Variants in IL22RA2 observed in about 807,000 individuals in gnomAD.
IL22RA2 encodes the protein interleukin-22 receptor subunit alpha-2.
Under a neutral mutation model 30.7 loss-of-function variants are expected in IL22RA2, and 39 were observed. That is an observed-to-expected ratio of 1.27 (90% CI 0.98 to 1.66). IL22RA2 has a LOEUF of 1.66. Ranked by LOEUF, IL22RA2 falls within the 40% of genes most tolerant of loss-of-function variation. The probability of loss-of-function intolerance (pLI) is 0.00; values close to 1 mark genes in which losing one functional copy is unlikely to be tolerated. For synonymous variants in IL22RA2, 103 were observed against 105.0 expected, an observed-to-expected ratio of 0.98 and a Z score of 0.11; for missense variants, 315 against 312.7, an observed-to-expected ratio of 1.01 and a Z score of -0.05.
At chr6:137,165,041 T>A (rs916710978) in intron 1 of IL22RA2, among the ~76,000 whole-genome samples, 1 of 152,056 alleles carries the variant, frequency 6.6e-6, no homozygotes, top group Non-Finnish European at 1.5e-5. Context: ...TGGAGAAAAA[T>A]GCATCTTCAA....
intron 5 of IL22RA2, among the ~76,000 whole-genome samples, 196 bp downstream of exon 5, chr6:137,154,745 G>A (rs1778362328): frequency 6.6e-6 from 1 of 152,134 alleles, no homozygotes; most frequent in Admixed American, 6.5e-5. Context: ...AATGACTAAA[G>A]CCTCTACATC....
At chr6:137,158,323 C>G in intron 3 of IL22RA2, 24 bp downstream of exon 3, 1 of 1,613,494 alleles carries the variant, frequency 6.2e-7, no homozygotes. Flanking sequence ...TCTCTATCAG[C>G]TGAAGGAGGC....
chr6:137,164,841 T>C lies in IL22RA2; in HGVS notation c.-65-3027A>G, dbSNP rs577564336. On this transcript the variant is annotated intron_variant, in intron 1 of 6. Transcript: ENST00000296980. Reference sequence around the variant, plus strand: ...ACAGCTCTTCTTTTATCAGCCCTTCTCTACTACTGATCTCTTAAATTGGAG... The same window carrying C: ...ACAGCTCTTCTTTTATCAGCCCTTCCCTACTACTGATCTCTTAAATTGGAG... 2.6e-5 allele frequency among the ~76,000 whole-genome samples: 4 copies of C among 152,346 alleles called. No homozygotes were observed. The South Asian group carries it at 8.3e-4, about 32-fold the overall frequency.
chr6:137,153,199 C>T (rs1562269393), intron 5 of IL22RA2, among the ~76,000 whole-genome samples: 2 of 152,046 alleles, frequency 1.3e-5, no homozygotes, highest in East Asian at 3.8e-4. Flanking sequence ...CAATACATTG[C>T]TTATGACAAA....
chr6:137,165,175 A>T (rs138169018), intron 1 of IL22RA2, among the ~76,000 whole-genome samples: 1 of 152,290 alleles, frequency 6.6e-6, no homozygotes, highest in African/African-American at 2.4e-5. Context: ...TCCTAAATGG[A>T]ATAAACGCTG....
rs776539146 is a variant in IL22RA2, at chr6:137,154,977, A to G, written c.436T>C (p.Trp146Arg). ...RAASAGSYSE[W>R]SMTPRFTPWW... ...GGAGTGAACCGCGGCGTCATGCTCC[A>G]TTCTGAGTAGCTCCCAGCCGAGGCC... Residue 146 changes from tryptophan (W) to arginine (R), a missense_variant, in exon 5 of 7, where the codon TGG (tryptophan) becomes CGG (arginine). Coordinates refer to ENST00000296980, the MANE Select transcript of IL22RA2 (RefSeq NM_052962.3). 5 of 1,614,120 alleles carry G rather than the reference A, an allele frequency of 3.1e-6. No homozygotes were observed. Among genetic ancestry groups the G allele is most frequent in the South Asian group, 1.1e-5 (1 of 91,084 alleles).
rs199542741 is a variant in IL22RA2, at chr6:137,158,390, C to G, written c.154G>C (p.Ala52Pro). 1.2e-6 allele frequency: 2 copies of G among 1,614,040 alleles called. No homozygotes were observed. Among genetic ancestry groups the G allele is most frequent in the Non-Finnish European group, 1.7e-6 (2 of 1,180,008 alleles). ...TAGACACTGCTGTTGCCAGTAAGTG[C>G]CCTCCCAGGCTGCCATTGCAAAATG... is the stretch of plus-strand genomic sequence containing the variant. ...HNILQWQPGR[A>P]LTGNSSVYFV... The change falls in exon 3 of 7, where the codon GCA becomes CCA. Residue 52 changes from alanine to proline, a missense_variant. Coordinates refer to ENST00000296980, the MANE Select transcript of IL22RA2 (RefSeq NM_052962.3).
At chr6:137,147,956 G>T in intron 5 of IL22RA2, 65 bp from the exon 6 acceptor site, 1 of 1,421,220 alleles carries the variant, frequency 7.0e-7, no homozygotes, top group Non-Finnish European at 9.8e-7. Flanking sequence ...GACGCATTAT[G>T]TATAATGACA....
intron 6 of IL22RA2, among the ~76,000 whole-genome samples, chr6:137,146,230 C>T (rs1778175489): frequency 6.6e-6 from 1 of 152,118 alleles, no homozygotes; most frequent in Non-Finnish European, 1.5e-5. Flanking sequence ...TGGAGTTTCA[C>T]CATGTTGACC....
chr6:137,164,191 T>G (rs1778582175), intron 1 of IL22RA2, among the ~76,000 whole-genome samples: 1 of 152,212 alleles, frequency 6.6e-6, no homozygotes, highest in South Asian at 2.1e-4. Context: ...TAAGCTAACT[T>G]CACAGAAACT....
chr6:137,161,951 A>C, intron 1 of IL22RA2, 137 bp from the exon 2 acceptor site: 1 of 495,724 alleles, frequency 2.0e-6, no homozygotes, highest in African/African-American at 1.9e-5. Flanking sequence ...TCACTTCAAA[A>C]AACATTTGCT....
intron 6 of IL22RA2, among the ~76,000 whole-genome samples, chr6:137,146,007 C>G (rs116683538): frequency 0.021 from 3,165 of 152,104 alleles, 143 homozygotes; most frequent in African/African-American, 0.074. Context: ...GCTGGTTGAC[C>G]CCATGGTCAG....
chr6:137,145,147 C>T lies in IL22RA2; in HGVS notation c.*477G>A, dbSNP rs1778149263. The T allele has an allele frequency of 1.3e-5, 2 of 151,424 alleles. No homozygotes were observed. Among genetic ancestry groups the T allele is most frequent in the Non-Finnish European group, 2.9e-5 (2 of 67,832 alleles). 9.4% of individuals were successfully genotyped at this position (151,424 alleles called of 1,614,324 possible). A position where few individuals can be genotyped will look rare whatever the true frequency, so the allele number is the denominator to read the frequency against. ...ATAGAAATGTATGAAAAATATTCAC[C>T]TTTATAGAAGTTTTAAATTGTCAAA... is the stretch of plus-strand genomic sequence containing the variant. On this transcript the variant is annotated 3_prime_UTR_variant, in exon 7 of 7. Coordinates refer to ENST00000296980, the MANE Select transcript of IL22RA2 (RefSeq NM_052962.3).
intron 6 of IL22RA2, among the ~76,000 whole-genome samples, 176 bp from the exon 7 acceptor site, chr6:137,145,949 G>A (rs1009734503): frequency 6.6e-6 from 1 of 152,214 alleles, no homozygotes; most frequent in Non-Finnish European, 1.5e-5. Flanking sequence ...AAAGGGACAA[G>A]GCAAGTGGCT....
chr6:137,165,355 G>T (rs545139639), intron 1 of IL22RA2, among the ~76,000 whole-genome samples: 1 of 152,296 alleles, frequency 6.6e-6, no homozygotes, highest in African/African-American at 2.4e-5. Flanking sequence ...TTGTAAGCCA[G>T]GTGCAAGAAG....
In IL22RA2 at chr6:137,168,669, G is replaced by A. The variant is rs185847112; in HGVS notation, c.-66+4744C>T. On this transcript the variant is annotated intron_variant, in intron 1 of 6. Transcript: ENST00000296980. Reference sequence around the variant, plus strand: ...GGCTGCTCTGTTTGCCAGCCAAGAGGAGAAGATAGGGTACACAACTGGAAC... The same window carrying A: ...GGCTGCTCTGTTTGCCAGCCAAGAGAAGAAGATAGGGTACACAACTGGAAC... 1.5e-3 allele frequency among the ~76,000 whole-genome samples: 226 copies of A among 152,214 alleles called. 1 individual carries two copies. The highest frequency in any genetic ancestry group is 5.1e-3 in the African/African-American group (213 of 41,490).
rs1778209904 is a variant in IL22RA2 at position 137,147,774 on chromosome 6, T to A, written c.590A>T (p.Asp197Val). The A allele has an allele frequency of 6.2e-7, 1 of 1,602,088 alleles. No individual in the cohort carries two copies. Among genetic ancestry groups the A allele is most frequent in the South Asian group, 1.1e-5 (1 of 90,510 alleles). The change falls in exon 6 of 7, where the codon GAT becomes GTT. Residue 197 changes from aspartate (D) to valine (V), a missense_variant. Coordinates refer to ENST00000296980, the MANE Select transcript of IL22RA2 (RefSeq NM_052962.3). ...YQKEKNVSIE[D>V]YYELLYRVFI... ...AACTCGGTATAGTAGTTCATAGTAATCTTCTATAGATACATTTTTTTCCTT... is the reference window on the plus strand; with the variant it reads ...AACTCGGTATAGTAGTTCATAGTAAACTTCTATAGATACATTTTTTTCCTT...
intron 3 of IL22RA2, 120 bp downstream of exon 3, chr6:137,158,227 T>A: frequency 8.4e-7 from 1 of 1,185,874 alleles, no homozygotes; most frequent in Non-Finnish European, 1.2e-6. Flanking sequence ...ATCCTGACCT[T>A]GGCTTCTTCT....
intron 1 of IL22RA2, among the ~76,000 whole-genome samples, chr6:137,165,057 G>A (rs1210298740): frequency 2.6e-5 from 4 of 152,192 alleles, no homozygotes; most frequent in Non-Finnish European, 4.4e-5. Flanking sequence ...TTCAAGCACA[G>A]GAGATATCAG....
Sources: allele counts gnomAD v4.1 joint callset (sites outside exome capture counted in the v4.1 genomes callset), GRCh38; gene constraint gnomAD v4.1.1; transcripts MANE v1.5; gene names NCBI Gene and HGNC (gene_info 2026-07-23, HGNC 2026-07-21).